PRKN: variants seen among roughly 807,000 people sequenced by gnomAD.
PRKN encodes the protein E3 ubiquitin-protein ligase parkin.
PRKN carries 56 observed loss-of-function variants against 59.5 expected under a neutral mutation model. That is an observed-to-expected ratio of 0.94 (90% confidence interval 0.76 to 1.18). The LOEUF is 1.18. Among genes scored for constraint, PRKN ranks in the 50% most tolerant of loss-of-function variants. The pLI is 0.00. For synonymous variants in PRKN, 250 were observed against 222.1 expected (o/e 1.13, Z -1.12); for missense variants, 657 against 596.4 (o/e 1.10, Z -1.06).
At chr6:161,863,203 A>G (rs929570228) in intron 6 of PRKN, among the ~76,000 whole-genome samples, 2 of 152,200 alleles carry the variant, frequency 1.3e-5, no homozygotes, top group East Asian at 3.9e-4. Context: ...TTGAGACAGA[A>G]GAATAACATA....
rs7764319 is a variant in PRKN, at chr6:161,529,145, C to G, written c.1083+19709G>C. ...TACGCTGCGTTCCTCTCCCTAGTCA[C>G]CGCATGCCTTCCTGTTCCAGTGAAA... is the stretch of plus-strand genomic sequence containing the variant. On this transcript the variant is annotated intron_variant, in intron 9 of 11. Transcript: ENST00000366898. This position sits in a 1 kb window ranked among gnomAD's most constrained non-coding sequence, Gnocchi z 4.4. Among the ~76,000 whole-genome samples, 10,900 of 152,236 alleles carry G rather than the reference C, an allele frequency of 0.072. 520 individuals are homozygous for G. Among genetic ancestry groups the G allele is most frequent in the African/African-American group, 0.13 (5,445 of 41,524 alleles).
rs977367232 is a variant in PRKN at position 161,446,473 on chromosome 6, G to A, written c.1084-59596C>T. On this transcript the variant is annotated intron_variant, in intron 9 of 11. Transcript: ENST00000366898. The surrounding 1 kb of genome is among the most constrained non-coding windows in gnomAD (Gnocchi z 6.2). ...TACCAGATGCAGACTCTGGTGCCCT[G>A]AAGCCTGGCGTCTGAGCCAGATCTG... Among the ~76,000 whole-genome samples the A allele has an allele frequency of 1.3e-5, 2 of 152,148 alleles. No homozygotes were observed. Among genetic ancestry groups the A allele is most frequent in the Admixed American group, 1.3e-4 (2 of 15,274 alleles).
chr6:161,811,124 G>A (rs78661153), intron 6 of PRKN, among the ~76,000 whole-genome samples: 2,384 of 152,224 alleles, frequency 0.016, 44 homozygotes, highest in African/African-American at 0.05. Flanking sequence ...ATAATGATCT[G>A]TATTAGCCAA....
chr6:161,415,399 C>T (rs539271286), intron 9 of PRKN, among the ~76,000 whole-genome samples: 5 of 152,190 alleles, frequency 3.3e-5, no homozygotes, highest in South Asian at 4.2e-4. Context: ...TAAACAATAA[C>T]GACACTACCT....
At chr6:162,253,899 T>A (rs568048669) in intron 3 of PRKN, among the ~76,000 whole-genome samples, 1 of 151,990 alleles carries the variant, frequency 6.6e-6, no homozygotes, top group African/African-American at 2.4e-5. Flanking sequence ...CAGGCCAGAG[T>A]ATCACTCACC....
intron 6 of PRKN, among the ~76,000 whole-genome samples, chr6:161,971,904 G>A (rs1780823923): frequency 6.6e-6 from 1 of 152,162 alleles, no homozygotes; most frequent in Non-Finnish European, 1.5e-5. Flanking sequence ...TAGGGTATAT[G>A]ACTATTTTTG....
chr6:162,269,283 C>A (rs979489874), intron 2 of PRKN, among the ~76,000 whole-genome samples: 1 of 152,164 alleles, frequency 6.6e-6, no homozygotes, highest in Non-Finnish European at 1.5e-5. Flanking sequence ...TCTGTAGTAC[C>A]TACTGTAGGG....
intron 3 of PRKN, among the ~76,000 whole-genome samples, chr6:162,239,702 TC>T (rs1447201937): frequency 6.6e-6 from 1 of 151,918 alleles, no homozygotes; most frequent in Admixed American, 6.6e-5. Context: ...TGCAGCCCAT[TC>T]CCAGGCATTA....
chr6:161,474,405 G>A (rs756324088), intron 9 of PRKN, among the ~76,000 whole-genome samples: 9 of 152,038 alleles, frequency 5.9e-5, no homozygotes, highest in Non-Finnish European at 1.2e-4. Context: ...AACTTGGATG[G>A]GAATTAATTA....
chr6:162,070,455 G>C (rs1245099411), intron 4 of PRKN, among the ~76,000 whole-genome samples: 1 of 152,058 alleles, frequency 6.6e-6, no homozygotes, highest in African/African-American at 2.4e-5. Context: ...TGGTTCAGTG[G>C]GACTGAATGG....
chr6:162,211,969 CAT>C (rs1198082618), intron 3 of PRKN, among the ~76,000 whole-genome samples: 8 of 152,032 alleles, frequency 5.3e-5, no homozygotes, highest in Non-Finnish European at 1.2e-4. Flanking sequence ...GGGGGGAAAA[CAT>C]AGATTATTTT....
chr6:162,369,699 C>T (rs1040983027), intron 2 of PRKN, among the ~76,000 whole-genome samples: 1 of 152,130 alleles, frequency 6.6e-6, no homozygotes, highest in East Asian at 1.9e-4. Context: ...AGATCACTGG[C>T]AGAAATTAGC....
At chr6:162,702,838 C>T (rs1778206128) in intron 1 of PRKN, among the ~76,000 whole-genome samples, 2 of 152,272 alleles carry the variant, frequency 1.3e-5, no homozygotes, top group East Asian at 1.9e-4. Flanking sequence ...TGTTTAACTC[C>T]TTAAATGAGC....
chr6:161,366,484 C>CA, intron 10 of PRKN, among the ~76,000 whole-genome samples: 1 of 152,284 alleles, frequency 6.6e-6, no homozygotes, highest in East Asian at 1.9e-4. Context: ...GCTGATGTCG[C>CA]AAAATGGTTT....
rs558514449 is a variant in PRKN, at chr6:161,730,845, TGTGTTGCATTCTGAA to T, written c.871+54912_871+54926del. Among the ~76,000 whole-genome samples the T allele has an allele frequency of 2.3e-3, 351 of 152,324 alleles. 2 individuals are homozygous for T. Among genetic ancestry groups the T allele is most frequent in the Non-Finnish European group, 4.1e-3 (276 of 68,032 alleles). ...TTCTGATGTGTTGCATTCTTTCTGG[TGTGTTGCATTCTGAA>T]GTGTTGCATTCTTTCTGATATGTTG... On this transcript the variant is annotated intron_variant, in intron 7 of 11. Coordinates refer to ENST00000366898, the MANE Select transcript of PRKN (RefSeq NM_004562.3).
chr6:161,537,608 T>C (rs574762775), intron 9 of PRKN, among the ~76,000 whole-genome samples: 96 of 152,086 alleles, frequency 6.3e-4, no homozygotes, highest in Middle Eastern at 3.4e-3. Flanking sequence ...CCCGCCACCA[T>C]GCTCGGCTAA....
At position 161,503,776 on chromosome 6, in the gene PRKN, C is replaced by A. The variant is rs1778048442; in HGVS notation, c.1083+45078G>T. On this transcript the variant is annotated intron_variant, in intron 9 of 11. Transcript: ENST00000366898. The surrounding 1 kb of genome is among the most constrained non-coding windows in gnomAD (Gnocchi z 5.1). ...ACTGCACCACAGGGTGGCCGTGACA[C>A]AAAGTCAGATGTGAGCATTCTTTTA... is the stretch of plus-strand genomic sequence containing the variant. Among the ~76,000 whole-genome samples the A allele has an allele frequency of 6.6e-6, 1 of 152,194 alleles. No individual in the cohort carries two copies. Among genetic ancestry groups the A allele is most frequent in the South Asian group, 2.1e-4 (1 of 4,836 alleles).
In PRKN at chr6:161,380,801, C is replaced by T. The variant is rs560969278; in HGVS notation, c.1167+5993G>A. ...TAAAAATAAAGATATTTAACAAAAA[C>T]GCATGGATTTTATGCTACTGACATC... On this transcript the variant is annotated intron_variant, in intron 10 of 11. Transcript: ENST00000366898. Among the ~76,000 whole-genome samples, 11 of 152,166 alleles carry T rather than the reference C, an allele frequency of 7.2e-5. No homozygotes were observed. The South Asian group carries it at 1.7e-3, about 23-fold the overall frequency.
At position 161,484,035 on chromosome 6, in the gene PRKN, G is replaced by A. The variant is rs1319275009; in HGVS notation, c.1083+64819C>T. Among the ~76,000 whole-genome samples the A allele has an allele frequency of 2.0e-5, 3 of 152,100 alleles. No individual in the cohort carries two copies. Among genetic ancestry groups the A allele is most frequent in the African/African-American group, 7.2e-5 (3 of 41,404 alleles). On this transcript the variant is annotated intron_variant, in intron 9 of 11. Coordinates refer to ENST00000366898, the MANE Select transcript of PRKN (RefSeq NM_004562.3). The surrounding 1 kb of genome is among the most constrained non-coding windows in gnomAD (Gnocchi z 4.9). ...ACTGGGGCCTGCTGGGGGGTTGTGG[G>A]GAGGGAGAGCATCAGGAAGAATACC...
Sources: gnomAD v4.1 joint callset for allele counts (sites outside exome capture counted in the v4.1 genomes callset) on GRCh38, gnomAD v4.1.1 for gene constraint, Gnocchi (gnomAD v3.1) non-coding constraint, MANE v1.5 for transcripts, NCBI Gene and HGNC (gene_info 2026-07-23, HGNC 2026-07-21) for gene names.